The following ITGA9 variants were observed in gnomAD, a reference collection of about 807,000 sequenced individuals.
ITGA9 encodes the protein integrin alpha-9.
In ITGA9, 56 loss-of-function variants were observed where a neutral mutation model predicts 127.8. The ratio of observed to expected loss-of-function variants is 0.44; its 90% CI spans 0.35 to 0.55. ITGA9 has a LOEUF of 0.55. ITGA9 is among the 20% of genes least tolerant of loss of function. ITGA9 has a pLI of 0.00. For missense variants in ITGA9, 1,196 were observed against 1,347.1 expected, an observed-to-expected ratio of 0.89 and a Z score of 1.76; for synonymous variants, 508 against 514.5, an observed-to-expected ratio of 0.99 and a Z score of 0.17.
intron 15 of ITGA9, among the ~76,000 whole-genome samples, chr3:37,572,816 C>T (rs1699614740): frequency 6.6e-6 from 1 of 152,122 alleles, no homozygotes; most frequent in Non-Finnish European, 1.5e-5. Flanking sequence ...ATTCTTTAAG[C>T]CTCGTTTAAT....
intron 23 of ITGA9, among the ~76,000 whole-genome samples, chr3:37,766,903 C>G (rs1415747806): frequency 6.6e-6 from 1 of 152,254 alleles, no homozygotes; most frequent in Non-Finnish European, 1.5e-5. Flanking sequence ...CTCTCTCAGA[C>G]TACTTCCCAT....
chr3:37,452,709 G>A lies in ITGA9; in HGVS notation c.185+150G>A, dbSNP rs892830132. On this transcript the variant is annotated intron_variant, in intron 1 of 27. Transcript: ENST00000264741. This position sits in a 1 kb window ranked among gnomAD's most constrained non-coding sequence, Gnocchi z 7.3. The stretch of plus-strand genomic sequence containing the variant: ...TCCGTTGCGCGCGGCTCGGCCGCCG[G>A]GGGACGGCGGGAGAAGGGAGGACGC... 40 of 692,530 alleles carry A rather than the reference G, an allele frequency of 5.8e-5. No homozygotes were observed. Among genetic ancestry groups the A allele is most frequent in the Admixed American group, 3.6e-4 (8 of 22,078 alleles). 42.9% of individuals were successfully genotyped at this position (692,530 alleles called of 1,614,324 possible).
chr3:37,466,483 C>CAAAAAAAAAAAAAAAAAAA (rs60980366), intron 1 of ITGA9, among the ~76,000 whole-genome samples: 4 of 26,064 alleles, frequency 1.5e-4, no homozygotes, highest in East Asian at 1.6e-3. Flanking sequence ...GACACCATCT[C>CAAAAAAAAAAAAAAAAAAA]AAAAAAAAAA....
chr3:37,802,621 G>A (rs970167560), intron 26 of ITGA9, among the ~76,000 whole-genome samples: 14 of 152,086 alleles, frequency 9.2e-5, no homozygotes, highest in Admixed American at 2.6e-4. Context: ...AGCAGAAGAC[G>A]CAATAGATGC....
chr3:37,554,956 C>T (rs192926758), intron 15 of ITGA9, among the ~76,000 whole-genome samples: 55 of 151,982 alleles, frequency 3.6e-4, no homozygotes, highest in Non-Finnish European at 7.2e-4. Flanking sequence ...ATTTGGGAGT[C>T]GCCAGCAGAC....
At chr3:37,714,744 T>C (rs1251420262) in intron 18 of ITGA9, among the ~76,000 whole-genome samples, 1 of 152,184 alleles carries the variant, frequency 6.6e-6, no homozygotes, top group African/African-American at 2.4e-5. Flanking sequence ...CTGGGGGTAG[T>C]CCCAGCAGTC....
intron 15 of ITGA9, among the ~76,000 whole-genome samples, chr3:37,545,575 G>A (rs1199368260): frequency 6.6e-6 from 1 of 152,200 alleles, no homozygotes; most frequent in Non-Finnish European, 1.5e-5. Flanking sequence ...GGGAGGGCAG[G>A]TACTTTCTCA....
intron 15 of ITGA9, among the ~76,000 whole-genome samples, chr3:37,578,590 C>T (rs1699675536): frequency 6.6e-6 from 1 of 152,232 alleles, no homozygotes; most frequent in South Asian, 2.1e-4. Context: ...TGCTTGCTTA[C>T]ATCTACTAAC....
intron 10 of ITGA9, 73 bp downstream of exon 10, chr3:37,517,682 C>T: frequency 9.2e-7 from 1 of 1,081,190 alleles, no homozygotes; most frequent in South Asian, 1.3e-5. Flanking sequence ...GGGCAGCCTG[C>T]TCGCTGACTG....
intron 26 of ITGA9, among the ~76,000 whole-genome samples, chr3:37,795,341 C>T (rs1697158993): frequency 6.6e-6 from 1 of 152,178 alleles, no homozygotes; most frequent in Non-Finnish European, 1.5e-5. Context: ...GCATTGCCAG[C>T]TGTTACAGTA....
At chr3:37,525,951 G>C in intron 12 of ITGA9, 75 bp from the exon 13 acceptor site, 1 of 1,233,824 alleles carries the variant, frequency 8.1e-7, no homozygotes, top group Non-Finnish European at 1.2e-6. Flanking sequence ...CTCCATCCTT[G>C]TGAGCGCATT....
chr3:37,788,708 C>CCTGT (rs1381253896), intron 26 of ITGA9, among the ~76,000 whole-genome samples: 6 of 152,110 alleles, frequency 3.9e-5, no homozygotes, highest in African/African-American at 1.2e-4. Flanking sequence ...TTCCAATGAT[C>CCTGT]CTGTCCTCTG....
rs868786590 is a variant in ITGA9, at chr3:37,729,773, G to A, written c.2068-2939G>A. Among the ~76,000 whole-genome samples, 6 of 146,884 alleles carry A rather than the reference G, an allele frequency of 4.1e-5. 1 individual carries two copies. The highest frequency in any genetic ancestry group is 7.0e-3 in the Middle Eastern group (2 of 284). ...GGCTGGAGTGCAGTGGTGCGATCTCGGCTCACTGCAACCTCCACCTCCCAG... is the reference window on the plus strand; with the variant it reads ...GGCTGGAGTGCAGTGGTGCGATCTCAGCTCACTGCAACCTCCACCTCCCAG... On this transcript the variant is annotated intron_variant, in intron 18 of 27. Coordinates refer to ENST00000264741, the MANE Select transcript of ITGA9 (RefSeq NM_002207.3).
chr3:37,808,471 C>G (rs771409149), intron 27 of ITGA9: 3 of 152,150 alleles, frequency 2.0e-5, no homozygotes, highest in Non-Finnish European at 4.4e-5. Context: ...GGCAGGCACC[C>G]CAAAGGAGTT....
intron 17 of ITGA9, among the ~76,000 whole-genome samples, chr3:37,674,475 C>T (rs1192947207): frequency 6.6e-6 from 1 of 152,188 alleles, no homozygotes; most frequent in Admixed American, 6.5e-5. Flanking sequence ...TGCTTGCTGA[C>T]ATGTATATCT....
chr3:37,535,463 C>A (rs1699198946), intron 14 of ITGA9, among the ~76,000 whole-genome samples: 1 of 152,206 alleles, frequency 6.6e-6, no homozygotes, highest in South Asian at 2.1e-4. Context: ...GGGGCCCCAT[C>A]TAGCATGAGC....
chr3:37,534,237 C>G (rs1016530091), intron 14 of ITGA9, among the ~76,000 whole-genome samples: 6 of 131,598 alleles, frequency 4.6e-5, no homozygotes, highest in Admixed American at 1.7e-4. Flanking sequence ...AAGAAAAACT[C>G]CAGGCAAACA....
At chr3:37,622,950 A>C (rs1190147947) in intron 15 of ITGA9, among the ~76,000 whole-genome samples, 1 of 152,186 alleles carries the variant, frequency 6.6e-6, no homozygotes, top group Admixed American at 6.5e-5. Flanking sequence ...CTGATTACAA[A>C]TATGTTATAC....
At chr3:37,644,569 C>G (rs1575178536) in intron 16 of ITGA9, among the ~76,000 whole-genome samples, 1 of 152,150 alleles carries the variant, frequency 6.6e-6, no homozygotes, top group African/African-American at 2.4e-5. Flanking sequence ...CACTTGTATC[C>G]CATGAATATA....
Sources: gnomAD v4.1 joint callset for allele counts (sites outside exome capture counted in the v4.1 genomes callset) on GRCh38, gnomAD v4.1.1 for gene constraint, Gnocchi (gnomAD v3.1) non-coding constraint, MANE v1.5 for transcripts, NCBI Gene and HGNC (gene_info 2026-07-23, HGNC 2026-07-21) for gene names.